The following SH3RF3 variants were observed in gnomAD, a reference collection of about 807,000 sequenced individuals.
SH3RF3 encodes the protein SH3 domain containing ring finger 3.
Under a neutral mutation model 66.3 loss-of-function variants are expected in SH3RF3, and 29 were observed. The ratio of observed to expected loss-of-function variants is 0.44; its 90% confidence interval spans 0.33 to 0.60. The LOEUF (loss-of-function observed/expected upper bound fraction) is 0.60, where lower values mean the gene tolerates loss of function less well. Ranked by LOEUF, SH3RF3 falls within the 20% of genes least tolerant of loss-of-function variation. The probability of loss-of-function intolerance (pLI) is 0.04; values close to 1 mark genes in which losing one functional copy is unlikely to be tolerated. For synonymous variants in SH3RF3, 583 were observed against 532.0 expected, an observed-to-expected ratio of 1.10 and a Z score of -1.32; for missense variants, 1,194 against 1,190.9, an observed-to-expected ratio of 1.00 and a Z score of -0.04.
chr2:109,196,161 G>T (rs1678494609), intron 1 of SH3RF3, among the ~76,000 whole-genome samples: 1 of 152,246 alleles, frequency 6.6e-6, no homozygotes, highest in Admixed American at 6.5e-5. Flanking sequence ...CACATGGCTG[G>T]TTGGCCATGG....
chr2:109,464,005 G>A lies in SH3RF3; in HGVS notation c.2148+14516G>A, dbSNP rs890552521. 3.9e-5 allele frequency among the ~76,000 whole-genome samples: 6 copies of A among 152,212 alleles called. No homozygotes were observed. In the South Asian group the frequency reaches 1.2e-3, roughly 32 times the overall value. On this transcript the variant is annotated intron_variant, in intron 8 of 9. Transcript: ENST00000309415. ...GGAAGGATAGACCCTCGCTCGGGAG[G>A]GTCCCCAATTCACAGAACATAGCTC...
rs1332022543 is a variant in SH3RF3 at position 109,503,437 on chromosome 2, C to T, written c.*1766C>T. On this transcript the variant is annotated 3_prime_UTR_variant, in exon 10 of 10. Coordinates refer to ENST00000309415, the MANE Select transcript of SH3RF3 (RefSeq NM_001099289.3). ...TGGTCACCACACGGCGGGGGTCATG[C>T]CTTTCCCTCCCCCAAGATGATAATA... 1 of 152,062 alleles carries T rather than the reference C, an allele frequency of 6.6e-6. No homozygotes were observed. Among genetic ancestry groups the T allele is most frequent in the Admixed American group, 6.5e-5 (1 of 15,274 alleles). The allele number at this position is 152,062 out of a possible 1,614,324, so 9.4% of individuals were successfully genotyped here.
chr2:109,202,762 A>T (rs1009720279), intron 1 of SH3RF3, among the ~76,000 whole-genome samples: 1 of 152,018 alleles, frequency 6.6e-6, no homozygotes, highest in East Asian at 1.9e-4. Flanking sequence ...CCCTTCCCAT[A>T]CTATGGAGCT....
At chr2:109,173,261 A>G (rs1476780659) in intron 1 of SH3RF3, among the ~76,000 whole-genome samples, 1 of 152,182 alleles carries the variant, frequency 6.6e-6, no homozygotes, top group Non-Finnish European at 1.5e-5. Context: ...TGTCTGGCTC[A>G]GAACCTGGGA....
rs142080052 is a variant in SH3RF3 at position 109,135,088 on chromosome 2, G to A, written c.573+4975G>A. ...ACCCAGTAGGTCTCAAATAGAGGCC[G>A]TGGCTTCAGGTGTCACAGTCCCATG... On this transcript the variant is annotated intron_variant, in intron 1 of 9. Coordinates refer to ENST00000309415, the MANE Select transcript of SH3RF3 (RefSeq NM_001099289.3). Among the ~76,000 whole-genome samples the A allele has an allele frequency of 4.4e-3, 669 of 152,314 alleles. 4 individuals are homozygous for A. The highest frequency in any genetic ancestry group is 7.3e-3 in the Non-Finnish European group (497 of 68,032).
chr2:109,474,102 C>A (rs769099204), intron 8 of SH3RF3, among the ~76,000 whole-genome samples: 1 of 152,050 alleles, frequency 6.6e-6, no homozygotes, highest in Admixed American at 6.5e-5. Context: ...CAGTCTGGGC[C>A]GGGCTGAGGA....
chr2:109,235,214 A>G (rs1679616571), intron 1 of SH3RF3, among the ~76,000 whole-genome samples: 1 of 152,198 alleles, frequency 6.6e-6, no homozygotes, highest in East Asian at 1.9e-4. Flanking sequence ...GTTTAAGGAC[A>G]GCGAGCATGT....
intron 1 of SH3RF3, among the ~76,000 whole-genome samples, chr2:109,238,480 T>C (rs926031975): frequency 7.4e-6 from 1 of 134,518 alleles, no homozygotes; most frequent in Admixed American, 7.4e-5. Context: ...TGTGTGTGTG[T>C]GTGTGTGTGT....
chr2:109,401,014 G>T (rs1004985965), intron 4 of SH3RF3, among the ~76,000 whole-genome samples: 1 of 152,236 alleles, frequency 6.6e-6, no homozygotes, highest in Admixed American at 6.5e-5. Context: ...GTGACCCAGT[G>T]GCGGACCAGT....
intron 1 of SH3RF3, among the ~76,000 whole-genome samples, chr2:109,282,020 G>A (rs1024620141): frequency 1.3e-5 from 2 of 152,112 alleles, no homozygotes; most frequent in Admixed American, 6.5e-5. Flanking sequence ...GGTTCAAGAT[G>A]CTACATCTCT....
intron 1 of SH3RF3, among the ~76,000 whole-genome samples, chr2:109,267,416 C>T (rs953449431): frequency 8.5e-5 from 13 of 152,176 alleles, no homozygotes; most frequent in Non-Finnish European, 1.2e-4. Flanking sequence ...AAGAAAGAGA[C>T]GCAAAAGAGA....
chr2:109,172,196 A>T (rs1677799996), intron 1 of SH3RF3, among the ~76,000 whole-genome samples: 1 of 152,182 alleles, frequency 6.6e-6, no homozygotes, highest in African/African-American at 2.4e-5. Context: ...TAGCTCTCAG[A>T]CCAGGGTCCT....
intron 1 of SH3RF3, among the ~76,000 whole-genome samples, chr2:109,331,027 A>T (rs1282986094): frequency 6.6e-6 from 1 of 152,184 alleles, no homozygotes; most frequent in Non-Finnish European, 1.5e-5. Context: ...GTTTGGAGTT[A>T]CTGTAGTATC....
chr2:109,383,896 T>C (rs12991513), intron 3 of SH3RF3, among the ~76,000 whole-genome samples: 9 of 152,190 alleles, frequency 5.9e-5, no homozygotes, highest in Non-Finnish European at 1.0e-4. Flanking sequence ...CCTTCCACCC[T>C]ACCACCCCGC....
intron 1 of SH3RF3, among the ~76,000 whole-genome samples, chr2:109,145,007 T>A (rs957183827): frequency 6.6e-6 from 1 of 152,188 alleles, no homozygotes; most frequent in Admixed American, 6.5e-5. Context: ...AGGTGTGGCA[T>A]AAGAAACTCA....
intron 5 of SH3RF3, among the ~76,000 whole-genome samples, chr2:109,420,667 G>A (rs13410519): frequency 5.9e-5 from 9 of 152,128 alleles, no homozygotes; most frequent in African/African-American, 1.9e-4. Context: ...GGATGGTCTC[G>A]ATCTCCTGAT....
At chr2:109,285,283 C>T (rs1681005864) in intron 1 of SH3RF3, among the ~76,000 whole-genome samples, 1 of 152,262 alleles carries the variant, frequency 6.6e-6, no homozygotes, top group Non-Finnish European at 1.5e-5. Flanking sequence ...CCCCTTTCCA[C>T]ACCTCCTCAT....
At chr2:109,246,449 G>T (rs12613416) in intron 1 of SH3RF3, among the ~76,000 whole-genome samples, 38,113 of 152,052 alleles carry the variant, frequency 0.25, 5,209 homozygotes, top group East Asian at 0.46. Flanking sequence ...CCTCCCCAAA[G>T]GCCTCAGCTC....
At chr2:109,428,956 G>A (rs919194326) in intron 5 of SH3RF3, among the ~76,000 whole-genome samples, 12 of 152,134 alleles carry the variant, frequency 7.9e-5, no homozygotes, top group Admixed American at 2.6e-4. Context: ...AGACTGGCTC[G>A]CCACTGAGTG....
Sources: allele counts gnomAD v4.1 joint callset (sites outside exome capture counted in the v4.1 genomes callset), GRCh38; gene constraint gnomAD v4.1.1; transcripts MANE v1.5; gene names NCBI Gene and HGNC (gene_info 2026-07-23, HGNC 2026-07-21).